Variants in MCPH1 observed in about 807,000 individuals in gnomAD.
The protein encoded by MCPH1 is microcephalin.
A neutral mutation model predicts 84.5 loss-of-function variants in MCPH1; 104 were observed. That is an observed-to-expected ratio of 1.23 (90% confidence interval 1.05 to 1.45). The LOEUF (loss-of-function observed/expected upper bound fraction) is 1.45. MCPH1 is among the 40% of genes most tolerant of loss of function. The pLI, the probability that MCPH1 is intolerant of heterozygous loss-of-function variation, is 0.00. For missense variants in MCPH1, 1,498 were observed against 1,005.7 expected (o/e 1.49, Z -6.62); for synonymous variants, 514 against 366.8 (o/e 1.40, Z -4.58).
At chr8:6,467,932 G>A (rs1437947292) in intron 9 of MCPH1, among the ~76,000 whole-genome samples, 1 of 152,140 alleles carries the variant, frequency 6.6e-6, no homozygotes, top group Admixed American at 6.5e-5. Flanking sequence ...GAAGGTAGAG[G>A]TGTGTACGTG....
chr8:6,621,732 T>A, intron 13 of MCPH1, 41 bp downstream of exon 13: 1 of 1,613,376 alleles, frequency 6.2e-7, no homozygotes, highest in Non-Finnish European at 8.5e-7. Flanking sequence ...GTGGTCCAGA[T>A]CTGTGGACAG....
intron 12 of MCPH1, among the ~76,000 whole-genome samples, chr8:6,537,391 A>G: frequency 6.6e-6 from 1 of 152,074 alleles, no homozygotes; most frequent in East Asian, 1.9e-4. Context: ...GAGTTATGCA[A>G]GTTTAACATT....
In MCPH1 at chr8:6,627,273, A is replaced by T. The variant is rs1018720887; in HGVS notation, c.2452+5582A>T. 39 of 985,332 alleles carry T rather than the reference A, an allele frequency of 4.0e-5. No individual in the cohort carries two copies. In the Admixed American group the frequency reaches 8.6e-4, roughly 22 times the overall value. The allele number at this position is 985,332 out of a possible 1,614,324, so 61.0% of individuals were successfully genotyped here. On this transcript the variant is annotated intron_variant, in intron 13 of 13. Coordinates refer to ENST00000344683, the MANE Select transcript of MCPH1 (RefSeq NM_024596.5). The stretch of plus-strand genomic sequence containing the variant: ...AGTCCACATCTCCATTGCCTCGATA[A>T]GGAACCAGTCGCAGAGAGGGGAGGC...
intron 12 of MCPH1, among the ~76,000 whole-genome samples, chr8:6,611,159 A>T (rs956857508): frequency 1.3e-5 from 2 of 148,618 alleles, no homozygotes; most frequent in Admixed American, 1.3e-4. Flanking sequence ...CTCAGAAAAC[A>T]CTTCTGACAC....
At chr8:6,483,851 C>T (rs970268111) in intron 11 of MCPH1, among the ~76,000 whole-genome samples, 10 of 150,130 alleles carry the variant, frequency 6.7e-5, no homozygotes, top group African/African-American at 2.2e-4. Context: ...CAGAGAGACA[C>T]CCTGTCAAAG....
rs553886687 is a variant in MCPH1, at chr8:6,408,395, A to T, written c.23-884A>T. Among the ~76,000 whole-genome samples, 10 of 151,968 alleles carry T rather than the reference A, an allele frequency of 6.6e-5. No individual in the cohort carries two copies. The South Asian group carries it at 1.9e-3, about 28-fold the overall frequency. On this transcript the variant is annotated intron_variant, in intron 1 of 13. Coordinates refer to ENST00000344683, the MANE Select transcript of MCPH1 (RefSeq NM_024596.5). ...TTTTATTTTTATTTTTTAATTTATTATTTTTTTGTAGAGCCAGGGTCTCAC... is the reference window on the plus strand; with the variant it reads ...TTTTATTTTTATTTTTTAATTTATTTTTTTTTTGTAGAGCCAGGGTCTCAC...
intron 12 of MCPH1, among the ~76,000 whole-genome samples, chr8:6,574,310 G>A (rs962327061): frequency 2.0e-5 from 3 of 152,110 alleles, no homozygotes; most frequent in African/African-American, 7.2e-5. Flanking sequence ...CCTAGCTTCT[G>A]GTGTTGCTGG....
intron 12 of MCPH1, among the ~76,000 whole-genome samples, chr8:6,620,388 T>C (rs948114448): frequency 2.6e-5 from 4 of 152,156 alleles, no homozygotes; most frequent in African/African-American, 7.2e-5. Context: ...GTTCACTGTT[T>C]CTCTGATTTT....
intron 3 of MCPH1, among the ~76,000 whole-genome samples, chr8:6,422,188 C>G (rs1800304641): frequency 6.6e-6 from 1 of 152,150 alleles, no homozygotes; most frequent in African/African-American, 2.4e-5. Context: ...ACCTGTCTGT[C>G]TTATTTATGG....
intron 12 of MCPH1, among the ~76,000 whole-genome samples, chr8:6,567,910 C>T (rs1316813779): frequency 6.6e-6 from 1 of 152,224 alleles, no homozygotes; most frequent in Non-Finnish European, 1.5e-5. Flanking sequence ...TGCCTACCCA[C>T]CCAATTTTTG....
intron 12 of MCPH1, among the ~76,000 whole-genome samples, chr8:6,559,313 C>G (rs760258002): frequency 1.2e-4 from 18 of 151,986 alleles, no homozygotes; most frequent in African/African-American, 4.1e-4. Context: ...CCCCTGGGAG[C>G]CCCTCACCAT....
chr8:6,408,858 GGC>G (rs1798124422), intron 1 of MCPH1, among the ~76,000 whole-genome samples: 1 of 151,464 alleles, frequency 6.6e-6, no homozygotes, highest in African/African-American at 2.4e-5. Flanking sequence ...CACCACACCT[GGC>G]CAGTAGAGTA....
At chr8:6,551,441 G>A (rs1823638614) in intron 12 of MCPH1, among the ~76,000 whole-genome samples, 1 of 152,154 alleles carries the variant, frequency 6.6e-6, no homozygotes, top group Admixed American at 6.5e-5. Flanking sequence ...AACATGCATG[G>A]ATTTATGTGT....
chr8:6,462,568 C>T (rs1372130202), intron 9 of MCPH1, among the ~76,000 whole-genome samples: 1 of 152,200 alleles, frequency 6.6e-6, no homozygotes, highest in African/African-American at 2.4e-5. Flanking sequence ...GATGGATTCT[C>T]TTCTCCAAGG....
At chr8:6,479,736 A>G (rs182684006) in intron 10 of MCPH1, among the ~76,000 whole-genome samples, 387 of 152,304 alleles carry the variant, frequency 2.5e-3, no homozygotes, top group African/African-American at 7.5e-3. Flanking sequence ...AACTAATGGC[A>G]TAGAAAGGTT....
At position 6,643,670 on chromosome 8, in the gene MCPH1, C is replaced by A. The variant is rs1798073553; in HGVS notation, c.*621C>A. On this transcript the variant is annotated 3_prime_UTR_variant, in exon 14 of 14. Coordinates refer to ENST00000344683, the MANE Select transcript of MCPH1 (RefSeq NM_024596.5). ...AACAACTAGAGAACTCTGCAAGTTT[C>A]TTGGCTTAGACTCGATCTTTATTAA... The A allele has an allele frequency of 6.4e-6, 1 of 155,370 alleles. No individual in the cohort carries two copies. The highest frequency in any genetic ancestry group is 2.4e-5 in the African/African-American group (1 of 41,464). The allele number at this position is 155,370 out of a possible 1,614,324, so 9.6% of individuals were successfully genotyped here. A position where few individuals can be genotyped will look rare whatever the true frequency, so the allele number is the denominator to read the frequency against.
At chr8:6,627,486 TTTTCC>T (rs1457770251) in intron 13 of MCPH1, among the ~76,000 whole-genome samples, 5 of 152,220 alleles carry the variant, frequency 3.3e-5, no homozygotes, top group African/African-American at 1.2e-4. Flanking sequence ...GAAGAATTAT[TTTTCC>T]TTTGAGTTGT....
At chr8:6,519,717 G>A (rs1816947350) in intron 12 of MCPH1, 1 of 948,320 alleles carries the variant, frequency 1.1e-6, no homozygotes, top group Admixed American at 2.7e-5. Context: ...AAGCACTCTA[G>A]GCGAGGTAGC....
intron 11 of MCPH1, among the ~76,000 whole-genome samples, chr8:6,490,961 TA>T (rs1222966209): frequency 1.6e-5 from 2 of 122,004 alleles, no homozygotes; most frequent in African/African-American, 5.8e-5. Flanking sequence ...TCAATAATGC[TA>T]TTAATCATTA....
Sources: gnomAD v4.1 joint callset for allele counts (sites outside exome capture counted in the v4.1 genomes callset) on GRCh38, gnomAD v4.1.1 for gene constraint, MANE v1.5 for transcripts, NCBI Gene and HGNC (gene_info 2026-07-23, HGNC 2026-07-21) for gene names.